FSTL1: variants seen among roughly 807,000 people sequenced by gnomAD.
The protein encoded by FSTL1 is follistatin-related protein 1.
In FSTL1, 24 loss-of-function variants were observed where a neutral mutation model predicts 45.9. The observed-to-expected ratio is 0.52, with a 90% CI of 0.38 to 0.74. The LOEUF is 0.74. FSTL1 is among the 30% of genes least tolerant of loss of function. The pLI is 0.00. For missense variants in FSTL1, 340 were observed against 381.8 expected, an observed-to-expected ratio of 0.89 and a Z score of 0.91; for synonymous variants, 120 against 137.6, an observed-to-expected ratio of 0.87 and a Z score of 0.89.
At chr3:120,432,080 C>A (rs772113020) in intron 2 of FSTL1, among the ~76,000 whole-genome samples, 1 of 152,128 alleles carries the variant, frequency 6.6e-6, no homozygotes, top group Admixed American at 6.5e-5. Flanking sequence ...ATATTTGGAG[C>A]CTTCTCTTAG....
intron 9 of FSTL1, among the ~76,000 whole-genome samples, chr3:120,401,622 G>A (rs1412006304): frequency 6.8e-6 from 1 of 147,828 alleles, no homozygotes; most frequent in Non-Finnish European, 1.5e-5. Flanking sequence ...TTGCTCTGTT[G>A]TCCAGGCTAG....
At chr3:120,409,314 A>G (rs1466524323) in intron 6 of FSTL1, among the ~76,000 whole-genome samples, 2 of 152,226 alleles carry the variant, frequency 1.3e-5, no homozygotes, top group Non-Finnish European at 2.9e-5. Context: ...GCAGCAGCAC[A>G]TGTGTGTTAG....
chr3:120,418,680 C>T (rs2107659430), intron 2 of FSTL1, among the ~76,000 whole-genome samples: 1 of 152,268 alleles, frequency 6.6e-6, no homozygotes, highest in East Asian at 1.9e-4. Flanking sequence ...GTTTAAATTA[C>T]CCACATCCCA....
At chr3:120,437,848 C>A (rs1288263171) in intron 2 of FSTL1, among the ~76,000 whole-genome samples, 1 of 152,208 alleles carries the variant, frequency 6.6e-6, no homozygotes, top group Non-Finnish European at 1.5e-5. Context: ...ACTAAAACAT[C>A]TGCATTGGCC....
At chr3:120,443,770 A>G (rs1937677300) in intron 2 of FSTL1, among the ~76,000 whole-genome samples, 2 of 149,924 alleles carry the variant, frequency 1.3e-5, no homozygotes, top group Admixed American at 1.3e-4. Flanking sequence ...ATACATTCAG[A>G]CTAATCCTGG....
chr3:120,403,942 AAACAAAAACAAAAC>A (rs1356397099), intron 7 of FSTL1, among the ~76,000 whole-genome samples: 7 of 119,428 alleles, frequency 5.9e-5, no homozygotes, highest in South Asian at 2.8e-4. Context: ...AAAAAAAAAA[AAACAAAAACAAAAC>A]AAAACAAAAA....
intron 2 of FSTL1, among the ~76,000 whole-genome samples, chr3:120,440,846 G>A (rs557448996): frequency 6.6e-6 from 1 of 152,334 alleles, no homozygotes; most frequent in South Asian, 2.1e-4. Flanking sequence ...GTAATGGTGA[G>A]AGAAGGAAAA....
intron 3 of FSTL1, among the ~76,000 whole-genome samples, chr3:120,412,515 C>T (rs1937075843): frequency 6.6e-6 from 1 of 152,202 alleles, no homozygotes. Context: ...GCACCTCAAT[C>T]TTGTACTTCC....
intron 5 of FSTL1, chr3:120,409,979 C>A: frequency 5.1e-6 from 1 of 194,288 alleles, no homozygotes. Flanking sequence ...GGGAAAAAAT[C>A]AATAAAGCAG....
At chr3:120,434,394 C>T (rs1294935723) in intron 2 of FSTL1, among the ~76,000 whole-genome samples, 1 of 152,132 alleles carries the variant, frequency 6.6e-6, no homozygotes, top group African/African-American at 2.4e-5. Flanking sequence ...GGCTCTGGGT[C>T]CAGACAAGTC....
At chr3:120,426,569 T>A (rs994467809) in intron 2 of FSTL1, among the ~76,000 whole-genome samples, 1 of 152,180 alleles carries the variant, frequency 6.6e-6, no homozygotes, top group Non-Finnish European at 1.5e-5. Flanking sequence ...GGGAATAGAA[T>A]CCACTGTGGC....
chr3:120,397,089 C>G, intron 10 of FSTL1, 93 bp from the exon 11 acceptor site: 2 of 995,210 alleles, frequency 2.0e-6, no homozygotes, highest in Non-Finnish European at 3.2e-6. Flanking sequence ...TTGGCATTTA[C>G]AAGCTTATGC....
chr3:120,410,310 A>C (rs1419011253), intron 5 of FSTL1: 3 of 170,888 alleles, frequency 1.8e-5, no homozygotes, highest in African/African-American at 7.2e-5. Flanking sequence ...CCTGGAAGAC[A>C]ACACATGCTG....
At chr3:120,440,273 T>G (rs924393210) in intron 2 of FSTL1, among the ~76,000 whole-genome samples, 3 of 152,260 alleles carry the variant, frequency 2.0e-5, no homozygotes, top group Admixed American at 6.5e-5. Flanking sequence ...CATGTCTATG[T>G]GGCCAGAATG....
At chr3:120,420,895 C>T (rs182330984) in intron 2 of FSTL1, among the ~76,000 whole-genome samples, 72 of 152,328 alleles carry the variant, frequency 4.7e-4, no homozygotes, top group Admixed American at 2.9e-3. Context: ...AACCACTCTA[C>T]CTCTTTACAA....
chr3:120,422,438 A>G (rs943446731), intron 2 of FSTL1, among the ~76,000 whole-genome samples: 3 of 152,242 alleles, frequency 2.0e-5, no homozygotes, highest in Non-Finnish European at 2.9e-5. Flanking sequence ...ATATTAAAAC[A>G]TTAAAACATT....
At chr3:120,411,256 G>T (rs1937044671) in intron 4 of FSTL1, 2 of 349,140 alleles carry the variant, frequency 5.7e-6, no homozygotes, top group East Asian at 1.2e-4. Context: ...GGGATTTTGA[G>T]AATTCAAATG....
chr3:120,416,947 A>G (rs1937196740), intron 2 of FSTL1, among the ~76,000 whole-genome samples: 2 of 152,192 alleles, frequency 1.3e-5, no homozygotes, highest in Admixed American at 1.3e-4. Context: ...CACTGGTGGC[A>G]GAAAGCCAGC....
At chr3:120,413,143 G>A (rs534455023) in intron 3 of FSTL1, among the ~76,000 whole-genome samples, 1 of 152,304 alleles carries the variant, frequency 6.6e-6, no homozygotes, top group East Asian at 1.9e-4. Flanking sequence ...AAGGGGAGAA[G>A]CAGGAAGTAA....
Sources: gnomAD v4.1 joint callset for allele counts (sites outside exome capture counted in the v4.1 genomes callset) on GRCh38, gnomAD v4.1.1 for gene constraint, MANE v1.5 for transcripts, NCBI Gene and HGNC (gene_info 2026-07-23, HGNC 2026-07-21) for gene names.